CCDC81: variants seen among roughly 807,000 people sequenced by gnomAD.
The protein encoded by CCDC81 is coiled-coil domain containing 81.
CCDC81 carries 79 observed loss-of-function variants against 83.7 expected under a neutral mutation model. That is an observed-to-expected ratio of 0.94 (90% CI 0.79 to 1.14). The LOEUF is 1.14. Among genes scored for constraint, CCDC81 ranks in the 50% most tolerant of loss-of-function variants. CCDC81 has a pLI of 0.00. For synonymous variants in CCDC81, 252 were observed against 278.1 expected (o/e 0.91, Z 0.93); for missense variants, 791 against 778.1 (o/e 1.02, Z -0.20).
At chr11:86,381,517 C>A (rs1386363280) in intron 1 of CCDC81, among the ~76,000 whole-genome samples, 1 of 152,162 alleles carries the variant, frequency 6.6e-6, no homozygotes, top group African/African-American at 2.4e-5. Context: ...GTTGTCCACA[C>A]TGAGCCTCCA....
At chr11:86,415,439 A>G in intron 13 of CCDC81, 126 bp downstream of exon 13, 1 of 709,370 alleles carries the variant, frequency 1.4e-6, no homozygotes, top group South Asian at 1.8e-5. Context: ...TAAGAATAAT[A>G]GCTAACACAC....
intron 13 of CCDC81, chr11:86,419,693 G>A (rs1948763401): frequency 3.1e-6 from 1 of 327,018 alleles, no homozygotes; most frequent in African/African-American, 2.1e-5. Context: ...ACTGGAAAAA[G>A]GTTTCAATCC....
chr11:86,397,923 C>T (rs1593922146), intron 6 of CCDC81, among the ~76,000 whole-genome samples, 181 bp downstream of exon 6: 3 of 151,982 alleles, frequency 2.0e-5, no homozygotes, highest in African/African-American at 7.2e-5. Context: ...AATCTCAGCT[C>T]ACTGCAACTT....
In CCDC81 at chr11:86,386,006, G is replaced by T. The variant is rs761770076; in HGVS notation, c.80-45G>T. 10 of 915,250 alleles carry T rather than the reference G, an allele frequency of 1.1e-5. No homozygotes were observed. The East Asian group carries it at 2.1e-4, about 19-fold the overall frequency. 56.7% of individuals were successfully genotyped at this position (915,250 alleles called of 1,614,324 possible). A position where few individuals can be genotyped will look rare whatever the true frequency, so the allele number is the denominator to read the frequency against. ...TTAGCACTAAGATACTGTCACATGG[G>T]TGCGCATATAAATTGAATAATTTCT... is the stretch of plus-strand genomic sequence containing the variant. On this transcript the variant is annotated intron_variant, in intron 1 of 14. Transcript: ENST00000445632.
At chr11:86,420,577 G>A (rs906482246) in intron 14 of CCDC81, among the ~76,000 whole-genome samples, 3 of 151,746 alleles carry the variant, frequency 2.0e-5, no homozygotes, top group Admixed American at 1.3e-4. Context: ...ATTAAAATAC[G>A]AATGTAAGGT....
intron 3 of CCDC81, among the ~76,000 whole-genome samples, chr11:86,389,494 C>G (rs973539183): frequency 2.6e-5 from 4 of 152,116 alleles, no homozygotes; most frequent in African/African-American, 9.7e-5. Flanking sequence ...AGGAAACTTA[C>G]AATCATGGCA....
At chr11:86,379,568 C>A (rs1948148306) in intron 1 of CCDC81, among the ~76,000 whole-genome samples, 1 of 152,096 alleles carries the variant, frequency 6.6e-6, no homozygotes, top group African/African-American at 2.4e-5. Context: ...TGCTGTCATT[C>A]ATTTCATTTC....
At chr11:86,420,798 T>A (rs1948779352) in intron 14 of CCDC81, among the ~76,000 whole-genome samples, 1 of 152,194 alleles carries the variant, frequency 6.6e-6, no homozygotes, top group African/African-American at 2.4e-5. Context: ...TTCTAATGAG[T>A]AGAACCCATA....
intron 4 of CCDC81, among the ~76,000 whole-genome samples, chr11:86,394,360 G>A (rs537770562): frequency 1.3e-5 from 2 of 152,308 alleles, no homozygotes; most frequent in African/African-American, 2.4e-5. Context: ...ACTGCTGATC[G>A]AATCAGTCAC....
intron 13 of CCDC81, among the ~76,000 whole-genome samples, chr11:86,418,740 T>A (rs1166912884): frequency 6.6e-6 from 1 of 152,210 alleles, no homozygotes; most frequent in African/African-American, 2.4e-5. Context: ...GGGAGTTGTT[T>A]AATGGGTGTA....
chr11:86,413,027 T>A (rs149437852), intron 11 of CCDC81, among the ~76,000 whole-genome samples: 2,071 of 152,286 alleles, frequency 0.014, 21 homozygotes, highest in Middle Eastern at 0.031. Flanking sequence ...TTGGATCACA[T>A]GTGGGCTTGG....
At chr11:86,397,797 C>A (rs202241937) in intron 6 of CCDC81, 55 bp downstream of exon 6, 27 of 1,565,380 alleles carry the variant, frequency 1.7e-5, no homozygotes, top group Non-Finnish European at 2.3e-5. Context: ...ATGAGCCCAG[C>A]CATATTGCTT....
At chr11:86,390,062 G>A (rs549180294) in intron 3 of CCDC81, among the ~76,000 whole-genome samples, 16 of 152,162 alleles carry the variant, frequency 1.1e-4, no homozygotes, top group South Asian at 4.1e-4. Context: ...CTGAGATTGC[G>A]CCACTGCACT....
In CCDC81 at chr11:86,375,007, C is replaced by A; in HGVS notation, c.-157C>A. 1.4e-6 allele frequency: 1 copy of A among 730,302 alleles called. No individual in the cohort carries two copies. 45.2% of individuals were successfully genotyped at this position (730,302 alleles called of 1,614,324 possible). The stretch of plus-strand genomic sequence containing the variant: ...TTATTTAAGAAAGAAGAAAAAGAGT[C>A]AAGAAGTTCAAGATTTTCGTCACTC... On this transcript the variant is annotated 5_prime_UTR_variant, in exon 1 of 15. Coordinates refer to ENST00000445632, the MANE Select transcript of CCDC81 (RefSeq NM_001156474.2).
In CCDC81 at chr11:86,422,918, A is replaced by G; in HGVS notation, c.*203A>G. On this transcript the variant is annotated 3_prime_UTR_variant, in exon 15 of 15. Coordinates refer to ENST00000445632, the MANE Select transcript of CCDC81 (RefSeq NM_001156474.2). Reference sequence around the variant, plus strand: ...CAATTATTTCCTATACTAGTTTCTGATGGCAGTGAAGGTGTCTGAATGGTC... The same window carrying G: ...CAATTATTTCCTATACTAGTTTCTGGTGGCAGTGAAGGTGTCTGAATGGTC... 1.8e-6 allele frequency: 1 copy of G among 564,216 alleles called. No individual in the cohort carries two copies. Among genetic ancestry groups the G allele is most frequent in the South Asian group, 2.2e-5 (1 of 45,342 alleles). The allele number at this position is 564,216 out of a possible 1,614,324, so 35.0% of individuals were successfully genotyped here.
intron 2 of CCDC81, among the ~76,000 whole-genome samples, chr11:86,386,715 T>G (rs923651078): frequency 5.3e-5 from 8 of 152,226 alleles, no homozygotes; most frequent in African/African-American, 1.9e-4. Flanking sequence ...TATTTTGTTT[T>G]GTTTGAGAAT....
chr11:86,385,737 T>C (rs1337228457), intron 1 of CCDC81, among the ~76,000 whole-genome samples: 2 of 152,196 alleles, frequency 1.3e-5, no homozygotes, highest in South Asian at 2.1e-4. Flanking sequence ...GGTTGGGTTA[T>C]ACTTGATTAA....
intron 7 of CCDC81, among the ~76,000 whole-genome samples, chr11:86,403,013 A>ATTTTTTT (rs545083032): frequency 1.8e-5 from 2 of 112,488 alleles, no homozygotes; most frequent in East Asian, 2.7e-4. Context: ...TAATTTTTTG[A>ATTTTTTT]TTTTTTTTTT....
At position 86,409,302 on chromosome 11, in the gene CCDC81, T is replaced by C. The variant is rs751739003; in HGVS notation, c.1155T>C (p.Ala385=). Residue 385 remains alanine (A), a synonymous_variant, in exon 10 of 15, where the codon GCT becomes GCC. Coordinates refer to ENST00000445632, the MANE Select transcript of CCDC81 (RefSeq NM_001156474.2). ...LATREQNQKN[A]AYNLGVAEAI... ...CTAGAGAACAGAATCAGAAAAATGC[T>C]GCCTATAATCTTGGAGTTGCTGAAG... 9 of 1,537,930 alleles carry C rather than the reference T, an allele frequency of 5.9e-6. No homozygotes were observed. The East Asian group carries it at 9.8e-5, about 17-fold the overall frequency.
Sources: gnomAD v4.1 joint callset for allele counts (sites outside exome capture counted in the v4.1 genomes callset) on GRCh38, gnomAD v4.1.1 for gene constraint, MANE v1.5 for transcripts, NCBI Gene and HGNC (gene_info 2026-07-23, HGNC 2026-07-21) for gene names.